The following LAMA3 variants were observed in gnomAD, a reference collection of about 807,000 sequenced individuals.
LAMA3 encodes laminin subunit alpha 3, also known as laminin subunit alpha-3.
A neutral mutation model predicts 402.0 loss-of-function variants in LAMA3; 281 were observed. The ratio of observed to expected loss-of-function variants is 0.70; its 90% confidence interval spans 0.63 to 0.77. LAMA3 has a LOEUF of 0.77. Ranked by LOEUF, LAMA3 falls within the 30% of genes least tolerant of loss-of-function variation. LAMA3 has a pLI of 0.00. For synonymous variants in LAMA3, 1,431 were observed against 1,558.4 expected (o/e 0.92, Z 1.93); for missense variants, 3,840 against 4,215.5 (o/e 0.91, Z 2.47).
At chr18:23,827,823 A>G (rs2063414626) in intron 23 of LAMA3, among the ~76,000 whole-genome samples, 1 of 152,170 alleles carries the variant, frequency 6.6e-6, no homozygotes, top group Admixed American at 6.5e-5. Context: ...GCGTCCAGAA[A>G]TGACACAGCT....
chr18:23,904,802 C>A (rs2081190969), intron 51 of LAMA3, 108 bp downstream of exon 51: 2 of 1,239,302 alleles, frequency 1.6e-6, no homozygotes, highest in Non-Finnish European at 2.3e-6. Context: ...TATTTTAAAT[C>A]AGAACTTGTT....
chr18:23,757,493 C>A (rs2061873751), intron 6 of LAMA3, among the ~76,000 whole-genome samples: 1 of 151,492 alleles, frequency 6.6e-6, no homozygotes, highest in South Asian at 2.1e-4. Flanking sequence ...CTCACTGCCA[C>A]TAGACCCTTC....
In LAMA3 at chr18:23,921,000, G is replaced by A. The variant is rs2145308823; in HGVS notation, c.7989G>A (p.Glu2663=). 1.9e-6 allele frequency: 3 copies of A among 1,614,102 alleles called. No individual in the cohort carries two copies. Among genetic ancestry groups the A allele is most frequent in the Middle Eastern group, 3.3e-4 (2 of 6,062 alleles). The change falls in exon 61 of 75, where the codon GAG becomes GAA. Residue 2663 remains glutamate (E), a synonymous_variant. Transcript: ENST00000313654. ...KLMVRYKLNS[E]LPKERGVGDA... is the part of the protein sequence containing the mutation. ...TGGTGAGATACAAACTGAATTCAGAGCTACCAAAAGAGAGAGGAGTTGGAG... is the reference window on the plus strand; with the variant it reads ...TGGTGAGATACAAACTGAATTCAGAACTACCAAAAGAGAGAGGAGTTGGAG...
intron 1 of LAMA3, among the ~76,000 whole-genome samples, chr18:23,709,288 C>T (rs1007618041): frequency 6.6e-6 from 1 of 151,572 alleles, no homozygotes; most frequent in South Asian, 2.1e-4. Context: ...GCCGAGGCTG[C>T]TCTCGAACTC....
At chr18:23,800,306 T>G (rs1166928450) in intron 12 of LAMA3, among the ~76,000 whole-genome samples, 2 of 152,252 alleles carry the variant, frequency 1.3e-5, no homozygotes, top group Non-Finnish European at 2.9e-5. Flanking sequence ...TTCCCCTTGA[T>G]ATCCTGTAAC....
intron 12 of LAMA3, among the ~76,000 whole-genome samples, chr18:23,795,057 C>G (rs1261393554): frequency 1.3e-5 from 2 of 152,220 alleles, no homozygotes; most frequent in African/African-American, 4.8e-5. Context: ...TCCCCACCCC[C>G]ACAACCTCTG....
chr18:23,946,601 AT>A, intron 70 of LAMA3: 1 of 309,278 alleles, frequency 3.2e-6, no homozygotes, highest in Non-Finnish European at 6.1e-6. Flanking sequence ...ATAGACAGAG[AT>A]TTTTTGGTTA....
At chr18:23,895,107 G>A in intron 44 of LAMA3, 49 bp downstream of exon 44, 2 of 1,544,122 alleles carry the variant, frequency 1.3e-6, no homozygotes, top group East Asian at 2.4e-5. Context: ...AGATGCTGCG[G>A]GAGTGGATTC....
intron 2 of LAMA3, among the ~76,000 whole-genome samples, chr18:23,727,986 G>A (rs1276193140): frequency 1.3e-5 from 2 of 151,962 alleles, no homozygotes; most frequent in Non-Finnish European, 2.9e-5. Flanking sequence ...CTCCTGCCTC[G>A]GCCTCCCAAA....
chr18:23,928,967 A>G (rs561005429), intron 64 of LAMA3, among the ~76,000 whole-genome samples: 21 of 152,362 alleles, frequency 1.4e-4, no homozygotes, highest in Admixed American at 5.2e-4. Flanking sequence ...AGAAAGTAAC[A>G]TTATAATTTA....
chr18:23,753,199 A>C (rs569415953), intron 5 of LAMA3, among the ~76,000 whole-genome samples: 2 of 152,228 alleles, frequency 1.3e-5, no homozygotes, highest in Non-Finnish European at 2.9e-5. Flanking sequence ...TGTGCTAGGA[A>C]GTCTTCAGCA....
chr18:23,952,461 C>T (rs561575010), intron 73 of LAMA3, among the ~76,000 whole-genome samples: 2 of 152,128 alleles, frequency 1.3e-5, no homozygotes, highest in African/African-American at 4.8e-5. Flanking sequence ...TCTATGAACC[C>T]ATATTGGCTA....
chr18:23,709,813 A>G, intron 1 of LAMA3: 1 of 654,520 alleles, frequency 1.5e-6, no homozygotes, highest in South Asian at 1.4e-5. Flanking sequence ...AGCCAGCCAG[A>G]CTCAGTTTAG....
chr18:23,730,865 T>C (rs2061383291), intron 2 of LAMA3, among the ~76,000 whole-genome samples: 1 of 152,210 alleles, frequency 6.6e-6, no homozygotes, highest in East Asian at 1.9e-4. Context: ...ATTTCTTGTT[T>C]TACATTGTTA....
chr18:23,858,623 G>T, intron 33 of LAMA3, 66 bp from the exon 34 acceptor site: 1 of 1,455,322 alleles, frequency 6.9e-7, no homozygotes, highest in Non-Finnish European at 9.6e-7. Flanking sequence ...ATTTGTGCAA[G>T]TAGCTAATTG....
rs573813368 is a variant in LAMA3, at chr18:23,774,527, C to A, written c.1273+940C>A. Among the ~76,000 whole-genome samples, 6 of 152,324 alleles carry A rather than the reference C, an allele frequency of 3.9e-5. No individual in the cohort carries two copies. In the South Asian group the frequency reaches 1.2e-3, roughly 32 times the overall value. ...TATAGTTCTTTTCTGTCTGACATGA[C>A]TGTGCCATAACTCTTCTATTATACA... On this transcript the variant is annotated intron_variant, in intron 9 of 74. Transcript: ENST00000313654.
In LAMA3 at chr18:23,867,932, AC is replaced by A; in HGVS notation, c.4767+17del. 1 of 1,600,792 alleles carries A rather than the reference AC, an allele frequency of 6.2e-7. No individual in the cohort carries two copies. Among genetic ancestry groups the A allele is most frequent in the Non-Finnish European group, 8.6e-7 (1 of 1,167,936 alleles). ...ACGTGGTCGAGGTAAAGGAAGAGCA[AC>A]CATAGGATGGTCCTTTCTGTTTTGT... On this transcript the variant is annotated intron_variant, in intron 37 of 74. Coordinates refer to ENST00000313654, the MANE Select transcript of LAMA3 (RefSeq NM_198129.4).
At position 23,935,506 on chromosome 18, in the gene LAMA3, G is replaced by C. The variant is rs561123731; in HGVS notation, c.8862+1571G>C. Reference sequence around the variant, plus strand: ...GGAATAGGACATTAGTCTCTGCCCAGTAGCAGAGAGAATACAGCACAGCTT... The same window carrying C: ...GGAATAGGACATTAGTCTCTGCCCACTAGCAGAGAGAATACAGCACAGCTT... On this transcript the variant is annotated intron_variant, in intron 67 of 74. Transcript: ENST00000313654. Among the ~76,000 whole-genome samples, 67 of 152,340 alleles carry C rather than the reference G, an allele frequency of 4.4e-4. 1 individual carries two copies. Among genetic ancestry groups the C allele is most frequent in the African/African-American group, 1.5e-3 (64 of 41,582 alleles).
chr18:23,829,693 G>A (rs1196741134), intron 23 of LAMA3, among the ~76,000 whole-genome samples: 1 of 152,122 alleles, frequency 6.6e-6, no homozygotes, highest in Non-Finnish European at 1.5e-5. Flanking sequence ...TAACATAGTG[G>A]TGAAGTCTGG....
Sources: allele counts gnomAD v4.1 joint callset (sites outside exome capture counted in the v4.1 genomes callset), GRCh38; gene constraint gnomAD v4.1.1; transcripts MANE v1.5; gene names NCBI Gene and HGNC (gene_info 2026-07-23, HGNC 2026-07-21).